ATG5: variants seen among roughly 807,000 people sequenced by gnomAD.
ATG5 encodes the protein autophagy related 5.
ATG5 carries 14 observed loss-of-function variants against 36.5 expected under a neutral mutation model. The observed-to-expected ratio is 0.38, with a 90% CI of 0.25 to 0.60. The LOEUF (loss-of-function observed/expected upper bound fraction) is 0.60. ATG5 is among the 20% of genes least tolerant of loss of function. The pLI is 0.60. For synonymous variants in ATG5, 95 were observed against 101.5 expected (o/e 0.94, Z 0.38); for missense variants, 195 against 326.7 (o/e 0.60, Z 3.11).
intron 5 of ATG5, chr6:106,271,527 T>C (rs759443518): frequency 5.9e-5 from 9 of 152,186 alleles, no homozygotes; most frequent in East Asian, 3.8e-4. Context: ...AGCCGCTAGA[T>C]TGTGAAAATA....
chr6:106,185,765 C>A lies in ATG5; in HGVS notation c.*775G>T, dbSNP rs1401976702. On this transcript the variant is annotated 3_prime_UTR_variant, in exon 8 of 8. Transcript: ENST00000369076. ...AGAACACAGGTTTTTTAATTGGCAG[C>A]AAGAAATTCTATGACAGCTTCTGAG... The A allele has an allele frequency of 6.6e-6, 1 of 152,270 alleles. No homozygotes were observed. Among genetic ancestry groups the A allele is most frequent in the African/African-American group, 2.4e-5 (1 of 41,434 alleles). 9.4% of individuals were successfully genotyped at this position (152,270 alleles called of 1,614,324 possible).
intron 5 of ATG5, among the ~76,000 whole-genome samples, chr6:106,261,078 A>G (rs1778999596): frequency 6.6e-6 from 1 of 152,244 alleles, no homozygotes; most frequent in South Asian, 2.1e-4. Context: ...GGAATGGAAC[A>G]GAGACTAGGC....
chr6:106,261,246 C>G (rs1297081215), intron 5 of ATG5, among the ~76,000 whole-genome samples: 3 of 152,214 alleles, frequency 2.0e-5, no homozygotes, highest in Middle Eastern at 3.2e-3. Context: ...ACTATTGATT[C>G]ATTTGTCATT....
At chr6:106,200,758 G>A (rs1463568632) in intron 7 of ATG5, among the ~76,000 whole-genome samples, 1 of 152,254 alleles carries the variant, frequency 6.6e-6, no homozygotes, top group South Asian at 2.1e-4. Flanking sequence ...AGGATTACGC[G>A]TGAGCCACCA....
chr6:106,282,960 T>A (rs185189607), intron 4 of ATG5, among the ~76,000 whole-genome samples: 14 of 152,202 alleles, frequency 9.2e-5, no homozygotes, highest in Non-Finnish European at 1.0e-4. Flanking sequence ...CTAATTTTTT[T>A]AATTTTTTTT....
At chr6:106,204,733 C>A (rs866802453) in intron 6 of ATG5, among the ~76,000 whole-genome samples, 1 of 152,150 alleles carries the variant, frequency 6.6e-6, no homozygotes, top group South Asian at 2.1e-4. Context: ...GCCTGCTTCC[C>A]TTTCTGCCAT....
intron 6 of ATG5, among the ~76,000 whole-genome samples, chr6:106,211,883 C>T (rs1342734665): frequency 6.6e-6 from 1 of 152,138 alleles, no homozygotes; most frequent in Non-Finnish European, 1.5e-5. Flanking sequence ...TCATCAGCTA[C>T]TTTGTGTGTG....
intron 6 of ATG5, among the ~76,000 whole-genome samples, chr6:106,235,956 G>C (rs1777887232): frequency 6.6e-6 from 1 of 152,140 alleles, no homozygotes; most frequent in Non-Finnish European, 1.5e-5. Context: ...TGCCCTAAAA[G>C]TTCCTTCTTG....
intron 4 of ATG5, among the ~76,000 whole-genome samples, chr6:106,285,136 A>G (rs1236180140): frequency 3.9e-5 from 6 of 152,184 alleles, no homozygotes; most frequent in Non-Finnish European, 2.9e-5. Flanking sequence ...CAAACTGGGT[A>G]ACTTCTATCG....
intron 5 of ATG5, among the ~76,000 whole-genome samples, chr6:106,259,519 T>A (rs958121475): frequency 6.6e-6 from 1 of 152,202 alleles, no homozygotes; most frequent in East Asian, 1.9e-4. Flanking sequence ...GAGAATGAGC[T>A]GTATTATAAT....
intron 3 of ATG5, among the ~76,000 whole-genome samples, chr6:106,303,333 C>T (rs1333418707): frequency 6.6e-6 from 1 of 151,902 alleles, no homozygotes; most frequent in Non-Finnish European, 1.5e-5. Flanking sequence ...AACCAACTCC[C>T]CAAAACCCAT....
chr6:106,201,121 A>G (rs1776412055), intron 7 of ATG5, among the ~76,000 whole-genome samples: 1 of 152,244 alleles, frequency 6.6e-6, no homozygotes, highest in African/African-American at 2.4e-5. Flanking sequence ...ATAACAAGAA[A>G]AAAAAGTCTG....
intron 7 of ATG5, among the ~76,000 whole-genome samples, chr6:106,193,217 C>T (rs576784805): frequency 2.6e-5 from 4 of 152,270 alleles, no homozygotes; most frequent in East Asian, 1.9e-4. Context: ...AAAATACAAA[C>T]CCATTTAAAA....
intron 5 of ATG5, among the ~76,000 whole-genome samples, chr6:106,275,575 G>A (rs954991814): frequency 6.6e-6 from 1 of 151,932 alleles, no homozygotes; most frequent in African/African-American, 2.4e-5. Context: ...TTAATCAAAC[G>A]TCACTTTAAA....
chr6:106,243,531 A>G (rs3043431), intron 6 of ATG5, among the ~76,000 whole-genome samples: 1,461 of 49,196 alleles, frequency 0.03, 26 homozygotes, highest in African/African-American at 0.16. Context: ...CTCTCTGGGG[A>G]AAAAAAAAAA....
chr6:106,236,158 A>G (rs1424661330), intron 6 of ATG5, among the ~76,000 whole-genome samples: 1 of 152,144 alleles, frequency 6.6e-6, no homozygotes, highest in Non-Finnish European at 1.5e-5. Flanking sequence ...ACATTTATCC[A>G]TATTATTGCA....
At chr6:106,282,442 C>A (rs1382136711) in intron 4 of ATG5, among the ~76,000 whole-genome samples, 1 of 152,158 alleles carries the variant, frequency 6.6e-6, no homozygotes, top group Admixed American at 6.5e-5. Flanking sequence ...GTGCCCCTAA[C>A]CCTTTGCCCC....
chr6:106,314,427 C>T (rs187241427), intron 2 of ATG5, among the ~76,000 whole-genome samples: 27 of 152,210 alleles, frequency 1.8e-4, no homozygotes, highest in African/African-American at 5.5e-4. Context: ...CATGATGGCA[C>T]ATGCCTATAA....
At chr6:106,283,600 G>A (rs144133439) in intron 4 of ATG5, 48 of 152,172 alleles carry the variant, frequency 3.2e-4, no homozygotes, top group African/African-American at 1.1e-3. Context: ...AACTTAGTGT[G>A]GAAATTCAAT....
Sources: gnomAD v4.1 joint callset for allele counts (sites outside exome capture counted in the v4.1 genomes callset) on GRCh38, gnomAD v4.1.1 for gene constraint, MANE v1.5 for transcripts, NCBI Gene and HGNC (gene_info 2026-07-23, HGNC 2026-07-21) for gene names.